The following LRRK1 variants were observed in gnomAD, a reference collection of about 807,000 sequenced individuals.
LRRK1 encodes leucine rich repeat kinase 1.
A neutral mutation model predicts 209.1 loss-of-function variants in LRRK1; 113 were observed. The observed-to-expected ratio is 0.54, with a 90% CI of 0.46 to 0.63. The LOEUF (loss-of-function observed/expected upper bound fraction) is 0.63, where lower values mean the gene tolerates loss of function less well. LRRK1 is among the 30% of genes least tolerant of loss of function. The pLI is 0.00. For synonymous variants in LRRK1, 1,144 were observed against 1,099.7 expected (o/e 1.04, Z -0.80); for missense variants, 2,284 against 2,632.2 (o/e 0.87, Z 2.89).
intron 6 of LRRK1, among the ~76,000 whole-genome samples, chr15:101,003,701 G>A (rs28465587): frequency 0.012 from 1,860 of 152,228 alleles, 48 homozygotes; most frequent in African/African-American, 0.04. Context: ...TCTTCCACCA[G>A]GTGCCTCCCA....
chr15:100,922,644 G>A (rs555689115), intron 1 of LRRK1, among the ~76,000 whole-genome samples: 1 of 152,160 alleles, frequency 6.6e-6, no homozygotes, highest in Non-Finnish European at 1.5e-5. Flanking sequence ...AACAGATTCT[G>A]TCTTGCTGGC....
chr15:101,061,684 T>C (rs1195517082), intron 30 of LRRK1, among the ~76,000 whole-genome samples: 2 of 152,202 alleles, frequency 1.3e-5, no homozygotes, highest in Admixed American at 6.5e-5. Flanking sequence ...AGGGGTCTTC[T>C]GAGAAGTCCC....
intron 30 of LRRK1, 111 bp downstream of exon 30, chr15:101,061,399 C>A: frequency 1.4e-6 from 1 of 709,418 alleles, no homozygotes; most frequent in South Asian, 1.7e-5. Flanking sequence ...AGTGAACTTT[C>A]AGATAACCCC....
At chr15:100,968,352 A>G (rs945754066) in intron 2 of LRRK1, among the ~76,000 whole-genome samples, 2 of 152,228 alleles carry the variant, frequency 1.3e-5, no homozygotes, top group Non-Finnish European at 2.9e-5. Context: ...TTGGTTAGAT[A>G]AGAATGGAAT....
chr15:101,068,382 T>C (rs534993757), intron 33 of LRRK1, among the ~76,000 whole-genome samples: 1 of 152,262 alleles, frequency 6.6e-6, no homozygotes, highest in Admixed American at 6.5e-5. Context: ...CAAGGATGCA[T>C]GATCTGATTG....
chr15:100,940,963 AC>A (rs1333254794), intron 2 of LRRK1, among the ~76,000 whole-genome samples: 3 of 152,240 alleles, frequency 2.0e-5, no homozygotes, highest in Non-Finnish European at 4.4e-5. Context: ...AGACATTGTC[AC>A]TGTCAGCTGC....
At position 101,024,652 on chromosome 15, in the gene LRRK1, C is replaced by G. The variant is rs1029164425; in HGVS notation, c.2068-151C>G. 2.5e-5 allele frequency: 21 copies of G among 824,722 alleles called. No individual in the cohort carries two copies. Among genetic ancestry groups the G allele is most frequent in the African/African-American group, 5.1e-5 (3 of 58,564 alleles). The allele number at this position is 824,722 out of a possible 1,614,324, so 51.1% of individuals were successfully genotyped here. A position where few individuals can be genotyped will look rare whatever the true frequency, so the allele number is the denominator to read the frequency against. Reference sequence around the variant, plus strand: ...CTGTCCCTCGCCCAGATAACTGTTTCCTAAGAAACAATAGAGTGTCCAGAA... The same window carrying G: ...CTGTCCCTCGCCCAGATAACTGTTTGCTAAGAAACAATAGAGTGTCCAGAA... On this transcript the variant is annotated intron_variant, in intron 15 of 33. Transcript: ENST00000388948. This position sits in a 1 kb window ranked among gnomAD's most constrained non-coding sequence, Gnocchi z 4.6.
At chr15:101,038,744 C>T (rs1006218966) in intron 20 of LRRK1, among the ~76,000 whole-genome samples, 4 of 152,160 alleles carry the variant, frequency 2.6e-5, no homozygotes, top group African/African-American at 9.7e-5. Flanking sequence ...ACTATTTTGC[C>T]TCTTCTCAGT....
chr15:100,939,117 A>G (rs1283548506), intron 2 of LRRK1, among the ~76,000 whole-genome samples: 1 of 152,066 alleles, frequency 6.6e-6, no homozygotes, highest in African/African-American at 2.4e-5. Flanking sequence ...AAGTCAAAAT[A>G]TCAAATATCT....
intron 11 of LRRK1, 111 bp downstream of exon 11, chr15:101,014,539 G>C (rs1196234230): frequency 8.3e-6 from 6 of 726,954 alleles, no homozygotes; most frequent in African/African-American, 1.8e-5. Context: ...TGAGCCGCCA[G>C]CTGGGGGCTT....
chr15:100,972,934 A>ACACACACCCC (rs11472046), intron 2 of LRRK1, among the ~76,000 whole-genome samples: 2 of 151,528 alleles, frequency 1.3e-5, no homozygotes, highest in Non-Finnish European at 2.9e-5. Flanking sequence ...ACACACACAC[A>ACACACACCCC]CACCCAGTTT....
intron 2 of LRRK1, among the ~76,000 whole-genome samples, chr15:100,952,969 A>C (rs1448497991): frequency 1.3e-5 from 2 of 152,202 alleles, no homozygotes; most frequent in African/African-American, 4.8e-5. Context: ...ATTTTTATTC[A>C]CTTACTTTAC....
At chr15:100,966,163 A>G (rs7178803) in intron 2 of LRRK1, among the ~76,000 whole-genome samples, 108,183 of 152,090 alleles carry the variant, frequency 0.71, 38,801 homozygotes, top group Middle Eastern at 0.76. Flanking sequence ...ATCAAAAGTT[A>G]CCAATTCTCA....
At chr15:101,046,690 G>A (rs939566838) in intron 21 of LRRK1, among the ~76,000 whole-genome samples, 7 of 152,194 alleles carry the variant, frequency 4.6e-5, no homozygotes, top group Admixed American at 4.6e-4. Context: ...ATTTGAAAAA[G>A]TGATTCCTCT....
At chr15:100,976,561 T>C (rs143617958) in intron 3 of LRRK1, among the ~76,000 whole-genome samples, 304 of 152,358 alleles carry the variant, frequency 2.0e-3, no homozygotes, top group Non-Finnish European at 3.6e-3. Context: ...CACACCTTTA[T>C]TCAATGCTAC....
chr15:100,986,131 A>C (rs2031853955), intron 4 of LRRK1, among the ~76,000 whole-genome samples: 1 of 152,218 alleles, frequency 6.6e-6, no homozygotes, highest in South Asian at 2.1e-4. Flanking sequence ...GCTTAAGCCC[A>C]GGAGTCCAAG....
chr15:101,048,788 C>A, intron 22 of LRRK1, 131 bp downstream of exon 22: 1 of 696,566 alleles, frequency 1.4e-6, no homozygotes, highest in Non-Finnish European at 2.2e-6. Flanking sequence ...GTCATGGCAG[C>A]TTGCTAGAAA....
At chr15:101,044,832 G>C (rs1231235793) in intron 20 of LRRK1, among the ~76,000 whole-genome samples, 2 of 152,242 alleles carry the variant, frequency 1.3e-5, no homozygotes, top group African/African-American at 4.8e-5. Flanking sequence ...CACGGCCCAG[G>C]GCCTCCTGTA....
intron 6 of LRRK1, among the ~76,000 whole-genome samples, chr15:100,993,367 AGT>A (rs2032250298): frequency 6.6e-6 from 1 of 152,204 alleles, no homozygotes; most frequent in Non-Finnish European, 1.5e-5. Flanking sequence ...GAGATGTACA[AGT>A]GTACATACAT....
Sources: gnomAD v4.1 joint callset for allele counts (sites outside exome capture counted in the v4.1 genomes callset) on GRCh38, gnomAD v4.1.1 for gene constraint, Gnocchi (gnomAD v3.1) non-coding constraint, MANE v1.5 for transcripts, NCBI Gene and HGNC (gene_info 2026-07-23, HGNC 2026-07-21) for gene names.